FLT1: variants seen among roughly 807,000 people sequenced by gnomAD.
The protein encoded by FLT1 is fms related receptor tyrosine kinase 1.
Under a neutral mutation model 156.3 loss-of-function variants are expected in FLT1, and 49 were observed. That is an observed-to-expected ratio of 0.31 (90% confidence interval 0.25 to 0.40). FLT1 has a LOEUF of 0.40. Among genes scored for constraint, FLT1 ranks in the 10% least tolerant of loss-of-function variants. The pLI is 1.00. For missense variants in FLT1, 1,322 were observed against 1,637.2 expected, an observed-to-expected ratio of 0.81 and a Z score of 3.32; for synonymous variants, 594 against 583.8, an observed-to-expected ratio of 1.02 and a Z score of -0.25.
chr13:28,401,246 TAAAG>T, intron 11 of FLT1, among the ~76,000 whole-genome samples: 1 of 152,356 alleles, frequency 6.6e-6, no homozygotes, highest in Non-Finnish European at 1.5e-5. Context: ...ATATTAGTCT[TAAAG>T]GACTCATGCT....
Position 28,371,130 on chromosome 13 carries a change from G to A in FLT1, c.2117-13445C>T, listed in dbSNP as rs115922649. Among the ~76,000 whole-genome samples the A allele has an allele frequency of 7.0e-3, 1,071 of 152,154 alleles. 9 individuals are homozygous for A. Among genetic ancestry groups the A allele is most frequent in the African/African-American group, 0.022 (919 of 41,516 alleles). On this transcript the variant is annotated intron_variant, in intron 14 of 29. Transcript: ENST00000282397. ...AAAAGCAAGTCTTAAAATGACATAT[G>A]GTGTGACCTTAACTCAAATTTTATC...
rs1871513270 is a variant in FLT1, at chr13:28,322,694, G to C, written c.2953+96C>G. 1.8e-6 allele frequency: 2 copies of C among 1,086,802 alleles called. No homozygotes were observed. The highest frequency in any genetic ancestry group is 2.8e-6 in the Non-Finnish European group (2 of 707,946). 67.3% of individuals were successfully genotyped at this position (1,086,802 alleles called of 1,614,324 possible). On this transcript the variant is annotated intron_variant, in intron 21 of 29. Coordinates refer to ENST00000282397, the MANE Select transcript of FLT1 (RefSeq NM_002019.4). The surrounding 1 kb of genome is among the most constrained non-coding windows in gnomAD (Gnocchi z 4.3). ...ATTACCATTCGAGTCTCCCACGGAT[G>C]TTTATTAGAGTGATAAATAAGAAAA...
rs1468536790 is a variant in FLT1 at position 28,303,168 on chromosome 13, T to C, written c.4016A>G (p.Ter1339TrpextTer20). The C allele has an allele frequency of 1.2e-6, 2 of 1,609,164 alleles. No homozygotes were observed. The highest frequency in any genetic ancestry group is 1.3e-5 in the African/African-American group (1 of 74,832). ...AGAAATAAGGCTTCGTGTCAAACTC[T>C]AGATGGGTGGGGTGGAGTACAGGAC... Reference protein sequence around the residue: ...SVVLYSTPPI* With the variant: ...SVVLYSTPPIW The change falls in exon 30 of 30, where the codon TAG (stop) becomes TGG (tryptophan). Residue 1339 changes from the stop codon to tryptophan (W), a stop_lost. Coordinates refer to ENST00000282397, the MANE Select transcript of FLT1 (RefSeq NM_002019.4).
intron 14 of FLT1, among the ~76,000 whole-genome samples, chr13:28,375,669 A>C (rs987671351): frequency 6.6e-6 from 1 of 152,226 alleles, no homozygotes; most frequent in African/African-American, 2.4e-5. Context: ...CTGGATGTAG[A>C]GAGCCCCTGA....
intron 14 of FLT1, among the ~76,000 whole-genome samples, chr13:28,372,635 G>A (rs1424676876): frequency 7.4e-6 from 1 of 135,734 alleles, no homozygotes; most frequent in Non-Finnish European, 1.6e-5. Context: ...TGTAATCCCA[G>A]CACTTTGGGA....
At chr13:28,468,552 C>T (rs1490212200) in intron 1 of FLT1, among the ~76,000 whole-genome samples, 1 of 152,196 alleles carries the variant, frequency 6.6e-6, no homozygotes. Context: ...TGGATGCTGA[C>T]CCTCCAATTC....
At chr13:28,397,192 G>A (rs1875101018) in intron 11 of FLT1, 124 bp from the exon 12 acceptor site, 3 of 687,004 alleles carry the variant, frequency 4.4e-6, no homozygotes, top group East Asian at 2.7e-5. Context: ...TATTGCATAG[G>A]TGGTGGTTAC....
At chr13:28,391,503 C>T (rs1874713811) in intron 12 of FLT1, among the ~76,000 whole-genome samples, 1 of 152,250 alleles carries the variant, frequency 6.6e-6, no homozygotes, top group South Asian at 2.1e-4. Context: ...TTCGAGTTGT[C>T]CTGCCTTTCC....
intron 3 of FLT1, among the ~76,000 whole-genome samples, chr13:28,459,135 G>A (rs1343392431): frequency 2.6e-5 from 4 of 152,176 alleles, no homozygotes; most frequent in African/African-American, 7.2e-5. Flanking sequence ...GCAGATGCAC[G>A]TCAGTCTCAG....
At chr13:28,337,798 G>C (rs1872179100) in intron 17 of FLT1, among the ~76,000 whole-genome samples, 1 of 152,184 alleles carries the variant, frequency 6.6e-6, no homozygotes. Flanking sequence ...GAAGCGATGG[G>C]ACAGAAAGCT....
intron 14 of FLT1, among the ~76,000 whole-genome samples, chr13:28,360,027 C>T (rs117313390): frequency 0.04 from 5,788 of 143,376 alleles, 298 homozygotes; most frequent in Admixed American, 0.17. Flanking sequence ...AGGAGAATCA[C>T]TTGAACTGGG....
At chr13:28,389,144 C>T (rs1257046485) in intron 13 of FLT1, 7 of 1,005,818 alleles carry the variant, frequency 7.0e-6, no homozygotes, top group East Asian at 5.5e-5. Flanking sequence ...ATGTGCTTAA[C>T]GTAAAAAAAA....
intron 14 of FLT1, among the ~76,000 whole-genome samples, chr13:28,373,719 T>A (rs907966285): frequency 1.3e-5 from 2 of 152,188 alleles, no homozygotes; most frequent in Non-Finnish European, 2.9e-5. Context: ...TGATTAGGGA[T>A]TGAGATCCCT....
rs1881544480 is a variant in FLT1, at chr13:28,492,871, AGTGTTCT to A, written c.64+1902_64+1908del. ...CGACTGAGCTAACATGAACTAACAG[AGTGTTCT>A]GTTAACTGTTAGGTAAAGAGGTTCT... On this transcript the variant is annotated intron_variant, in intron 1 of 29. Coordinates refer to ENST00000282397, the MANE Select transcript of FLT1 (RefSeq NM_002019.4). Among the ~76,000 whole-genome samples, 21 of 152,260 alleles carry A rather than the reference AGTGTTCT, an allele frequency of 1.4e-4. No homozygotes were observed. The South Asian group carries it at 4.1e-3, about 30-fold the overall frequency.
chr13:28,489,823 C>T (rs1881372696), intron 1 of FLT1, among the ~76,000 whole-genome samples: 1 of 152,142 alleles, frequency 6.6e-6, no homozygotes. Context: ...AAAAGGATAC[C>T]AAGTGCTCGT....
chr13:28,311,789 T>C, intron 26 of FLT1, 57 bp from the exon 27 acceptor site: 1 of 1,574,562 alleles, frequency 6.4e-7, no homozygotes, highest in Non-Finnish European at 8.7e-7. Context: ...ACAATTTCTA[T>C]GAACCATTAT....
intron 10 of FLT1, among the ~76,000 whole-genome samples, chr13:28,419,385 A>G (rs1876847720): frequency 6.6e-6 from 1 of 152,238 alleles, no homozygotes. Context: ...CTTATCTATC[A>G]CCTAAAGATC....
chr13:28,321,614 C>A, intron 22 of FLT1, 29 bp from the exon 23 acceptor site: 1 of 1,612,904 alleles, frequency 6.2e-7, no homozygotes, highest in Non-Finnish European at 8.5e-7. Context: ...ATAATCAATG[C>A]ATTTCCTTAA....
Position 28,322,311 on chromosome 13 carries a change from G to C in FLT1, c.3002C>G (p.Ser1001Cys), listed in dbSNP as rs1315826086. 1 of 1,613,658 alleles carries C rather than the reference G, an allele frequency of 6.2e-7. No individual in the cohort carries two copies. Among genetic ancestry groups the C allele is most frequent in the African/African-American group, 1.3e-5 (1 of 75,048 alleles). Residue 1001 changes from serine to cysteine, a missense_variant, in exon 22 of 30, where the codon TCT (serine) becomes TGT (cysteine). This residue lies in a region of FLT1 where 991 missense variants were observed against 1,254.8 expected (regional missense o/e 0.79). Transcript: ENST00000282397. The surrounding 1 kb of genome is among the most constrained non-coding windows in gnomAD (Gnocchi z 4.3). ...KEPITMEDLISYSFQVARGME... is the reference protein window; with the variant it reads ...KEPITMEDLICYSFQVARGME... ...GCCTCTGGCCACTTGAAAACTGTAA[G>C]AAATCAGATCTTCCATAGTGATGGG...
Sources: allele counts gnomAD v4.1 joint callset (sites outside exome capture counted in the v4.1 genomes callset), GRCh38; gene constraint gnomAD v4.1.1; regional missense constraint gnomAD v4.1.1; non-coding constraint Gnocchi (gnomAD v3.1); transcripts MANE v1.5; gene names NCBI Gene and HGNC (gene_info 2026-07-23, HGNC 2026-07-21).